The following MAP2K5 variants were observed in gnomAD, a reference collection of about 807,000 sequenced individuals.
MAP2K5 encodes dual specificity mitogen-activated protein kinase kinase 5.
In MAP2K5, 49 loss-of-function variants were observed where a neutral mutation model predicts 83.1. The ratio of observed to expected loss-of-function variants is 0.59; its 90% CI spans 0.47 to 0.75. The LOEUF is 0.75. Among genes scored for constraint, MAP2K5 ranks in the 30% least tolerant of loss-of-function variants. MAP2K5 has a pLI of 0.00. For synonymous variants in MAP2K5, 202 were observed against 191.8 expected, an observed-to-expected ratio of 1.05 and a Z score of -0.44; for missense variants, 457 against 557.5, an observed-to-expected ratio of 0.82 and a Z score of 1.82.
At chr15:67,601,860 G>T (rs1286897331) in intron 8 of MAP2K5, among the ~76,000 whole-genome samples, 2 of 152,194 alleles carry the variant, frequency 1.3e-5, no homozygotes, top group Non-Finnish European at 2.9e-5. Flanking sequence ...GGGCTTCAGT[G>T]CCCTTTGCAG....
Position 67,690,196 on chromosome 15 carries a change from A to G in MAP2K5, c.848-2283A>G, listed in dbSNP as rs1296774891. Among the ~76,000 whole-genome samples, 2 of 152,254 alleles carry G rather than the reference A, an allele frequency of 1.3e-5. No homozygotes were observed. The highest frequency in any genetic ancestry group is 2.9e-5 in the Non-Finnish European group (2 of 68,046). Reference sequence around the variant, plus strand: ...GAAAAATATTTAAAACTGAGGGCCCATGATAAGAACTAGATTTGAAAAATA... The same window carrying G: ...GAAAAATATTTAAAACTGAGGGCCCGTGATAAGAACTAGATTTGAAAAATA... On this transcript the variant is annotated intron_variant, in intron 13 of 21. Transcript: ENST00000178640. This position sits in a 1 kb window ranked among gnomAD's most constrained non-coding sequence, Gnocchi z 4.3.
In MAP2K5 at chr15:67,806,823, T is replaced by TGCGCCAGAAGA. The variant is rs1273660633; in HGVS notation, c.*75_*76insGCCAGAAGAGC. The TGCGCCAGAAGA allele has an allele frequency of 6.3e-7, 1 of 1,598,074 alleles. No homozygotes were observed. The highest frequency in any genetic ancestry group is 8.5e-7 in the Non-Finnish European group (1 of 1,179,388). Reference sequence around the variant, plus strand: ...AACCCACCCGTCGCCCTTCTCCGTATGCTGCCTGCGCCAGAAGAGCTTTGC... The same window carrying TGCGCCAGAAGA: ...AACCCACCCGTCGCCCTTCTCCGTATGCGCCAGAAGAGCTGCCTGCGCCAGAAGAGCTTTGC... On this transcript the variant is annotated 3_prime_UTR_variant, in exon 22 of 22. Transcript: ENST00000178640.
intron 12 of MAP2K5, chr15:67,658,863 T>A (rs2087159514): frequency 1.9e-6 from 1 of 538,652 alleles, no homozygotes; most frequent in South Asian, 1.7e-5. Context: ...GTATTCTTGT[T>A]GACTCGTAAA....
rs10609519 is a variant in MAP2K5, at chr15:67,710,497, G to GTTTTT, written c.1044+7109_1044+7113dup. Among the ~76,000 whole-genome samples, 17 of 81,030 alleles carry GTTTTT rather than the reference G, an allele frequency of 2.1e-4. 1 individual carries two copies. Among genetic ancestry groups the GTTTTT allele is most frequent in the East Asian group, 3.4e-4 (1 of 2,952 alleles). The allele number at this position is 81,030 out of a possible 152,430, so 53.2% of individuals were successfully genotyped here. Reference sequence around the variant, plus strand: ...CATCCAAGTAACATCATCTTCTGAAGTTTTTTTTTTTTTTTTTTTTTTTTG... The same window carrying GTTTTT: ...CATCCAAGTAACATCATCTTCTGAAGTTTTTTTTTTTTTTTTTTTTTTTTTTTTTG... On this transcript the variant is annotated intron_variant, in intron 16 of 21. Transcript: ENST00000178640.
In MAP2K5 at chr15:67,650,587, C is replaced by T. The variant is rs141891478; in HGVS notation, c.736+4118C>T. 1.4e-4 allele frequency among the ~76,000 whole-genome samples: 21 copies of T among 149,396 alleles called. 1 individual carries two copies. The East Asian group carries it at 3.9e-3, about 28-fold the overall frequency. On this transcript the variant is annotated intron_variant, in intron 11 of 21. Coordinates refer to ENST00000178640, the MANE Select transcript of MAP2K5 (RefSeq NM_145160.3). ...CCTGTTTTATATCTATTGAAATAAT[C>T]GTGCATATTTGGTCCTTTATTCTAT...
At chr15:67,655,221 CAA>C (rs2087042035) in intron 11 of MAP2K5, among the ~76,000 whole-genome samples, 1 of 152,124 alleles carries the variant, frequency 6.6e-6, no homozygotes, top group Admixed American at 6.5e-5. Flanking sequence ...AGTCATAGAA[CAA>C]AAGAGATACA....
At position 67,654,138 on chromosome 15, in the gene MAP2K5, AC is replaced by A. The variant is rs149212502; in HGVS notation, c.737-4414del. On this transcript the variant is annotated intron_variant, in intron 11 of 21. Transcript: ENST00000178640. The stretch of plus-strand genomic sequence containing the variant: ...AAAGTGAGATATTGAAGTCTCAAAA[AC>A]TAATATTTTTGAGTTGTCTATTTCT... 8.5e-3 allele frequency among the ~76,000 whole-genome samples: 1,288 copies of A among 152,198 alleles called. 15 individuals are homozygous for A. The highest frequency in any genetic ancestry group is 0.03 in the African/African-American group (1,230 of 41,516).
chr15:67,801,277 C>T lies in MAP2K5; in HGVS notation c.1243-5369C>T, dbSNP rs2090701930. 6.6e-6 allele frequency among the ~76,000 whole-genome samples: 1 copy of T among 152,206 alleles called. No homozygotes were observed. Among genetic ancestry groups the T allele is most frequent in the Non-Finnish European group, 1.5e-5 (1 of 68,044 alleles). On this transcript the variant is annotated intron_variant, in intron 21 of 21. Transcript: ENST00000178640. This position sits in a 1 kb window ranked among gnomAD's most constrained non-coding sequence, Gnocchi z 4.8. ...GCATGTGGAGGTCCCTTCGGCCTCT[C>T]AAATCACCATTTACAGGGCAGTCAC...
intron 15 of MAP2K5, among the ~76,000 whole-genome samples, chr15:67,699,030 T>C (rs2088340302): frequency 6.6e-6 from 1 of 152,054 alleles, no homozygotes; most frequent in African/African-American, 2.4e-5. Context: ...AGTTGGCACA[T>C]AGTAAAAGGC....
chr15:67,617,817 A>T (rs1260620437), intron 8 of MAP2K5, among the ~76,000 whole-genome samples: 1 of 152,112 alleles, frequency 6.6e-6, no homozygotes, highest in East Asian at 1.9e-4. Flanking sequence ...TCACGTCCCA[A>T]GTAGCTGGGA....
chr15:67,592,067 C>T (rs1596612900), intron 6 of MAP2K5, among the ~76,000 whole-genome samples: 1 of 125,966 alleles, frequency 7.9e-6, no homozygotes, highest in Admixed American at 1.0e-4. Flanking sequence ...GCCGAGATCG[C>T]ACCATTGTAC....
chr15:67,684,517 A>G (rs923334176), intron 13 of MAP2K5, among the ~76,000 whole-genome samples: 3 of 152,168 alleles, frequency 2.0e-5, no homozygotes, highest in Non-Finnish European at 2.9e-5. Context: ...CCAGCATTCA[A>G]CGACACAAGA....
In MAP2K5 at chr15:67,753,714, A is replaced by C. The variant is rs79237245; in HGVS notation, c.1134+5113A>C. ...AAACAGAAAATAACAATTGGTGACA[A>C]GAATGTGGGGAAATTGGAACCCACA... On this transcript the variant is annotated intron_variant, in intron 19 of 21. Coordinates refer to ENST00000178640, the MANE Select transcript of MAP2K5 (RefSeq NM_145160.3). Among the ~76,000 whole-genome samples the C allele has an allele frequency of 2.4e-3, 370 of 152,324 alleles. 2 individuals carry two copies. Among genetic ancestry groups the C allele is most frequent in the African/African-American group, 8.7e-3 (360 of 41,572 alleles).
intron 4 of MAP2K5, among the ~76,000 whole-genome samples, chr15:67,585,151 A>G (rs1331710722): frequency 1.3e-5 from 2 of 151,974 alleles, no homozygotes; most frequent in Non-Finnish European, 2.9e-5. Context: ...TTAACATACA[A>G]TTTGTAGGGC....
At chr15:67,626,176 C>T (rs1210285216) in intron 8 of MAP2K5, among the ~76,000 whole-genome samples, 6 of 152,078 alleles carry the variant, frequency 3.9e-5, no homozygotes, top group African/African-American at 7.2e-5. Context: ...CAAAGTCTTA[C>T]GTATTATGTT....
At chr15:67,649,525 G>T (rs1359323982) in intron 11 of MAP2K5, among the ~76,000 whole-genome samples, 1 of 151,944 alleles carries the variant, frequency 6.6e-6, no homozygotes, top group South Asian at 2.1e-4. Context: ...TGAGATAGGG[G>T]TCCAAATTTA....
chr15:67,558,206 C>T (rs551569402), intron 2 of MAP2K5, among the ~76,000 whole-genome samples: 1 of 152,150 alleles, frequency 6.6e-6, no homozygotes, highest in Non-Finnish European at 1.5e-5. Flanking sequence ...TTTTGAATCC[C>T]TACCATAATG....
intron 16 of MAP2K5, among the ~76,000 whole-genome samples, chr15:67,707,471 T>C (rs1345306094): frequency 2.0e-5 from 3 of 152,254 alleles, no homozygotes; most frequent in Non-Finnish European, 4.4e-5. Context: ...CTTCTGTTTA[T>C]TCTCACTTGT....
intron 6 of MAP2K5, among the ~76,000 whole-genome samples, chr15:67,588,763 C>G (rs935283476): frequency 2.0e-5 from 3 of 152,202 alleles, no homozygotes; most frequent in Admixed American, 2.0e-4. Flanking sequence ...TGTCTCTCTT[C>G]AGGTGTTGTA....
Sources: allele counts gnomAD v4.1 joint callset (sites outside exome capture counted in the v4.1 genomes callset), GRCh38; gene constraint gnomAD v4.1.1; non-coding constraint Gnocchi (gnomAD v3.1); transcripts MANE v1.5; gene names NCBI Gene and HGNC (gene_info 2026-07-23, HGNC 2026-07-21).